DGKB: variants seen among roughly 807,000 people sequenced by gnomAD.
DGKB encodes the protein 90 kDa diacylglycerol kinase.
Under a neutral mutation model 114.3 loss-of-function variants are expected in DGKB, and 67 were observed. That is an observed-to-expected ratio of 0.59 (90% CI 0.48 to 0.72). DGKB has a LOEUF of 0.72. DGKB is among the 30% of genes least tolerant of loss of function. The pLI is 0.00. For missense variants in DGKB, 907 were observed against 975.2 expected, an observed-to-expected ratio of 0.93 and a Z score of 0.93; for synonymous variants, 398 against 323.1, an observed-to-expected ratio of 1.23 and a Z score of -2.49.
At chr7:14,424,618 A>G (rs1827223336) in intron 21 of DGKB, among the ~76,000 whole-genome samples, 1 of 152,110 alleles carries the variant, frequency 6.6e-6, no homozygotes, top group South Asian at 2.1e-4. Context: ...TCTCTTAAAT[A>G]ACTGAATAAA....
intron 23 of DGKB, among the ~76,000 whole-genome samples, chr7:14,334,384 G>A (rs1394365474): frequency 1.2e-5 from 1 of 83,188 alleles, no homozygotes; most frequent in Non-Finnish European, 2.9e-5. Flanking sequence ...GTGTGTGTGT[G>A]TGTGTGTGTG....
chr7:14,274,942 AGTGTGTGTGTGT>A (rs10538591), intron 23 of DGKB, among the ~76,000 whole-genome samples: 30 of 146,294 alleles, frequency 2.1e-4, no homozygotes, highest in African/African-American at 7.2e-4. Flanking sequence ...AGTCCATAGC[AGTGTGTGTGTGT>A]GTGTGTGTGT....
chr7:14,238,794 A>C (rs1793211498), intron 23 of DGKB, among the ~76,000 whole-genome samples: 1 of 152,022 alleles, frequency 6.6e-6, no homozygotes, highest in Non-Finnish European at 1.5e-5. Context: ...ATCTATGAGT[A>C]CCTAGTAATT....
intron 4 of DGKB, among the ~76,000 whole-genome samples, chr7:14,744,765 G>C (rs1359726087): frequency 6.6e-6 from 1 of 152,088 alleles, no homozygotes; most frequent in Non-Finnish European, 1.5e-5. Flanking sequence ...ATGAGGACTG[G>C]GGAGATAAAA....
chr7:14,811,876 G>A (rs150359454), intron 2 of DGKB, among the ~76,000 whole-genome samples: 50 of 148,046 alleles, frequency 3.4e-4, no homozygotes, highest in African/African-American at 1.1e-3. Context: ...CTAACCATCA[G>A]CACTATGTAT....
rs564207693 is a variant in DGKB at position 14,682,983 on chromosome 7, A to T, written c.830-142T>A. On this transcript the variant is annotated intron_variant, in intron 10 of 25. Transcript: ENST00000402815. Reference sequence around the variant, plus strand: ...AATCAGCCACATCAAGGAGAAGTCCAAGTCGACTGTTTTTACCATGGAATA... The same window carrying T: ...AATCAGCCACATCAAGGAGAAGTCCTAGTCGACTGTTTTTACCATGGAATA... 4.7e-6 allele frequency: 3 copies of T among 642,008 alleles called. No individual in the cohort carries two copies. The South Asian group carries it at 5.7e-5, about 12-fold the overall frequency. The allele number at this position is 642,008 out of a possible 1,614,324, so 39.8% of individuals were successfully genotyped here. A position where few individuals can be genotyped will look rare whatever the true frequency, so the allele number is the denominator to read the frequency against.
At chr7:14,414,073 G>A (rs1384913225) in intron 21 of DGKB, among the ~76,000 whole-genome samples, 1 of 152,006 alleles carries the variant, frequency 6.6e-6, no homozygotes, top group African/African-American at 2.4e-5. Context: ...GATAATTCAA[G>A]AAAAGAAATA....
intron 5 of DGKB, among the ~76,000 whole-genome samples, chr7:14,733,769 GAA>G (rs1268357398): frequency 2.1e-5 from 3 of 145,908 alleles, no homozygotes; most frequent in African/African-American, 7.6e-5. Context: ...AAGAAAGAAA[GAA>G]AGAAAGGAAG....
At chr7:14,510,003 G>A (rs1285507935) in intron 20 of DGKB, among the ~76,000 whole-genome samples, 4 of 152,074 alleles carry the variant, frequency 2.6e-5, no homozygotes, top group African/African-American at 7.2e-5. Flanking sequence ...GTGAAACCCC[G>A]TCTCTACTAA....
chr7:14,689,202 T>TTTTTTTTTTTA (rs1256466931), intron 9 of DGKB, among the ~76,000 whole-genome samples: 4 of 94,796 alleles, frequency 4.2e-5, no homozygotes, highest in South Asian at 7.0e-4. Flanking sequence ...TCCTCTTATT[T>TTTTTTTTTTTA]TTTTTTTTTT....
chr7:14,706,075 C>T (rs1279079121), intron 6 of DGKB, among the ~76,000 whole-genome samples: 1 of 148,270 alleles, frequency 6.7e-6, no homozygotes, highest in African/African-American at 2.5e-5. Flanking sequence ...AAACCCATCT[C>T]ACGTGCAGAG....
At chr7:14,531,188 C>A (rs762999151) in intron 20 of DGKB, among the ~76,000 whole-genome samples, 1 of 150,836 alleles carries the variant, frequency 6.6e-6, no homozygotes, top group Non-Finnish European at 1.5e-5. Flanking sequence ...TTTCATTGGA[C>A]GCTATAACTA....
chr7:14,333,593 T>A (rs1393602628), intron 23 of DGKB, among the ~76,000 whole-genome samples: 1 of 152,144 alleles, frequency 6.6e-6, no homozygotes, highest in Non-Finnish European at 1.5e-5. Flanking sequence ...ATTGGCAATA[T>A]CCTGATACAG....
intron 21 of DGKB, among the ~76,000 whole-genome samples, chr7:14,464,889 T>C (rs1290081674): frequency 1.3e-5 from 2 of 152,156 alleles, no homozygotes; most frequent in Non-Finnish European, 2.9e-5. Context: ...TCTCAGACTT[T>C]ATGTGAGCAC....
intron 23 of DGKB, among the ~76,000 whole-genome samples, chr7:14,301,542 T>C (rs1803539308): frequency 6.6e-6 from 1 of 152,264 alleles, no homozygotes; most frequent in Non-Finnish European, 1.5e-5. Flanking sequence ...CAGTCAGTAA[T>C]CTTTTAAAAA....
At chr7:14,639,583 G>A (rs1811357875) in intron 13 of DGKB, among the ~76,000 whole-genome samples, 2 of 152,128 alleles carry the variant, frequency 1.3e-5, no homozygotes, top group Admixed American at 6.5e-5. Flanking sequence ...TGACACATAG[G>A]TGAGGAAAGG....
intron 23 of DGKB, among the ~76,000 whole-genome samples, chr7:14,301,207 A>G (rs1202550372): frequency 1.3e-5 from 2 of 152,120 alleles, no homozygotes; most frequent in African/African-American, 4.8e-5. Flanking sequence ...ATCTTGGGAT[A>G]TATTTTTAAA....
intron 23 of DGKB, among the ~76,000 whole-genome samples, chr7:14,323,894 T>A (rs1034480528): frequency 6.6e-6 from 1 of 152,208 alleles, no homozygotes; most frequent in African/African-American, 2.4e-5. Flanking sequence ...AACCTGTCTA[T>A]TAGCCTTAGA....
rs1367631243 is a variant in DGKB, at chr7:14,765,017, G to C, written c.71-7286C>G. On this transcript the variant is annotated intron_variant, in intron 2 of 25. Transcript: ENST00000402815. ...CAGAAGTTTTTATCTACTTGTGTGA[G>C]AATTTTCATAAAAGTACAAAGAGAT... 3.9e-5 allele frequency among the ~76,000 whole-genome samples: 6 copies of C among 152,018 alleles called. No homozygotes were observed. The South Asian group carries it at 6.2e-4, about 16-fold the overall frequency.
Sources: allele counts gnomAD v4.1 joint callset (sites outside exome capture counted in the v4.1 genomes callset), GRCh38; gene constraint gnomAD v4.1.1; transcripts MANE v1.5; gene names NCBI Gene and HGNC (gene_info 2026-07-23, HGNC 2026-07-21).